The following AGAP1 variants were observed in gnomAD, a reference collection of about 807,000 sequenced individuals.
The protein encoded by AGAP1 is ArfGAP with GTPase domain, ankyrin repeat and PH domain 1.
Under a neutral mutation model 105.3 loss-of-function variants are expected in AGAP1, and 29 were observed. The observed-to-expected ratio is 0.28, with a 90% CI of 0.21 to 0.38. The LOEUF (loss-of-function observed/expected upper bound fraction) is 0.38. Ranked by LOEUF, AGAP1 falls within the 10% of genes least tolerant of loss-of-function variation. The pLI is 1.00. For missense variants in AGAP1, 998 were observed against 1,165.1 expected (o/e 0.86, Z 2.09); for synonymous variants, 509 against 485.9 (o/e 1.05, Z -0.63).
intron 12 of AGAP1, among the ~76,000 whole-genome samples, chr2:235,932,945 A>C (rs558933016): frequency 5.3e-5 from 8 of 152,332 alleles, no homozygotes; most frequent in Non-Finnish European, 7.3e-5. Flanking sequence ...TTTTTTATTC[A>C]CAAAGCAATT....
Position 236,125,387 on chromosome 2 carries a change from A to G in AGAP1, c.*1265A>G, listed in dbSNP as rs2059986934. ...ACATGGAAAATATTCCCAGCAGTAA[A>G]CACTTCCATTAATGTGATCTACGGC... is the stretch of plus-strand genomic sequence containing the variant. On this transcript the variant is annotated 3_prime_UTR_variant, in exon 18 of 18. Coordinates refer to ENST00000304032, the MANE Select transcript of AGAP1 (RefSeq NM_001037131.3). This position sits in a 1 kb window ranked among gnomAD's most constrained non-coding sequence, Gnocchi z 5.2. 6.6e-6 allele frequency: 1 copy of G among 152,612 alleles called. No homozygotes were observed. The highest frequency in any genetic ancestry group is 2.4e-5 in the African/African-American group (1 of 41,460). The allele number at this position is 152,612 out of a possible 1,614,324, so 9.5% of individuals were successfully genotyped here.
chr2:235,752,898 CGGAGGATG>C lies in AGAP1; in HGVS notation c.673+2415_673+2422del, dbSNP rs1559437737. On this transcript the variant is annotated intron_variant, in intron 6 of 17. Transcript: ENST00000304032. This position sits in a 1 kb window ranked among gnomAD's most constrained non-coding sequence, Gnocchi z 4.3. Reference sequence around the variant, plus strand: ...AACAGACTTTTACTTGTCCTACTTACGGAGGATGGGAGTCCAGGGCCAGGTGCTGGTGG... The same window carrying C: ...AACAGACTTTTACTTGTCCTACTTACGGAGTCCAGGGCCAGGTGCTGGTGG... Among the ~76,000 whole-genome samples, 2 of 152,142 alleles carry C rather than the reference CGGAGGATG, an allele frequency of 1.3e-5. No individual in the cohort carries two copies. Among genetic ancestry groups the C allele is most frequent in the African/African-American group, 4.8e-5 (2 of 41,418 alleles).
intron 9 of AGAP1, among the ~76,000 whole-genome samples, chr2:235,809,947 G>A (rs1373845502): frequency 6.6e-6 from 1 of 152,170 alleles, no homozygotes; most frequent in African/African-American, 2.4e-5. Context: ...TGGTAGCTGT[G>A]TTCTCCTTAT....
At chr2:235,539,637 A>G (rs546861978) in intron 1 of AGAP1, among the ~76,000 whole-genome samples, 1 of 152,308 alleles carries the variant, frequency 6.6e-6, no homozygotes, top group Admixed American at 6.5e-5. Flanking sequence ...CAGTGTCCTC[A>G]GAGATACTGA....
intron 9 of AGAP1, among the ~76,000 whole-genome samples, chr2:235,828,595 G>T (rs1959173037): frequency 6.6e-6 from 1 of 152,132 alleles, no homozygotes; most frequent in East Asian, 1.9e-4. Flanking sequence ...ATAAACCTCT[G>T]GAATTGGAAA....
In AGAP1 at chr2:235,938,984, G is replaced by C. The variant is rs73996636; in HGVS notation, c.1483+8061G>C. 9.3e-3 allele frequency among the ~76,000 whole-genome samples: 1,414 copies of C among 152,282 alleles called. 22 individuals are homozygous for C. Among genetic ancestry groups the C allele is most frequent in the African/African-American group, 0.032 (1,330 of 41,560 alleles). Reference sequence around the variant, plus strand: ...ACCCAAGCAGTGGAATGTCCCCCAGGGGTTTCAGATGCGCAGCCAGGGTTG... The same window carrying C: ...ACCCAAGCAGTGGAATGTCCCCCAGCGGTTTCAGATGCGCAGCCAGGGTTG... On this transcript the variant is annotated intron_variant, in intron 12 of 17. Transcript: ENST00000304032.
chr2:235,628,058 T>TC (rs1946700186), intron 1 of AGAP1, among the ~76,000 whole-genome samples: 1 of 151,904 alleles, frequency 6.6e-6, no homozygotes, highest in African/African-American at 2.4e-5. Flanking sequence ...TGGGCAGGCT[T>TC]CCCCCCGAAG....
rs989182191 is a variant in AGAP1 at position 235,964,668 on chromosome 2, C to T, written c.1484-3794C>T. Among the ~76,000 whole-genome samples the T allele has an allele frequency of 6.6e-6, 1 of 151,920 alleles. No individual in the cohort carries two copies. The highest frequency in any genetic ancestry group is 6.6e-5 in the Admixed American group (1 of 15,254). On this transcript the variant is annotated intron_variant, in intron 12 of 17. Transcript: ENST00000304032. The surrounding 1 kb of genome is among the most constrained non-coding windows in gnomAD (Gnocchi z 4.6). ...ATAAATAAAAATTAATTAGGCTCGCCCTTTTTTTTCCAAGATATCTATAGC... is the reference window on the plus strand; with the variant it reads ...ATAAATAAAAATTAATTAGGCTCGCTCTTTTTTTTCCAAGATATCTATAGC...
chr2:235,826,941 G>T (rs1053821872), intron 9 of AGAP1, among the ~76,000 whole-genome samples: 1 of 152,080 alleles, frequency 6.6e-6, no homozygotes, highest in Non-Finnish European at 1.5e-5. Flanking sequence ...CTTTGATTAA[G>T]TTAGAGAAAA....
chr2:236,072,118 G>A (rs2058512267), intron 16 of AGAP1, among the ~76,000 whole-genome samples: 1 of 142,176 alleles, frequency 7.0e-6, no homozygotes, highest in Non-Finnish European at 1.5e-5. Flanking sequence ...AGTAGTCTTC[G>A]TTGTGGGTTT....
Position 235,712,731 on chromosome 2 carries a change from A to G in AGAP1, c.222+3494A>G, listed in dbSNP as rs1023480328. Among the ~76,000 whole-genome samples the G allele has an allele frequency of 1.3e-5, 2 of 151,924 alleles. No homozygotes were observed. Among genetic ancestry groups the G allele is most frequent in the South Asian group, 4.2e-4 (2 of 4,812 alleles). On this transcript the variant is annotated intron_variant, in intron 2 of 17. Coordinates refer to ENST00000304032, the MANE Select transcript of AGAP1 (RefSeq NM_001037131.3). The surrounding 1 kb of genome is among the most constrained non-coding windows in gnomAD (Gnocchi z 6.0). ...CCCTGCACAGAGGTTGACAGTGGCA[A>G]CCTCTTCCTGCCTTAAGTACGTAGT...
chr2:235,835,359 A>G lies in AGAP1; in HGVS notation c.1050+28028A>G, dbSNP rs556804033. 7.9e-5 allele frequency among the ~76,000 whole-genome samples: 12 copies of G among 152,276 alleles called. No homozygotes were observed. In the South Asian group the frequency reaches 2.1e-3, roughly 26 times the overall value. On this transcript the variant is annotated intron_variant, in intron 9 of 17. Transcript: ENST00000304032. ...CAGCCATCAACTTTCTTGGTTTTCA[A>G]ATACACAGTGTATCTTGTGCTGCCA...
chr2:235,885,304 T>C (rs957405547), intron 10 of AGAP1, among the ~76,000 whole-genome samples: 4 of 152,222 alleles, frequency 2.6e-5, no homozygotes, highest in Non-Finnish European at 1.5e-5. Flanking sequence ...TTAATGATTA[T>C]ATAATATTCC....
Position 236,053,046 on chromosome 2 carries a change from C to CGT in AGAP1, c.2114+3771_2114+3772dup, listed in dbSNP as rs1361601337. Among the ~76,000 whole-genome samples, 1 of 152,132 alleles carries CGT rather than the reference C, an allele frequency of 6.6e-6. No homozygotes were observed. Among genetic ancestry groups the CGT allele is most frequent in the African/African-American group, 2.4e-5 (1 of 41,424 alleles). ...AGGACTTCGTAACACCCGGCTTGTGCGTGTGTGCGGTACCATAACGTAGCG... is the reference window on the plus strand; with the variant it reads ...AGGACTTCGTAACACCCGGCTTGTGCGTGTGTGTGCGGTACCATAACGTAGCG... On this transcript the variant is annotated intron_variant, in intron 16 of 17. Transcript: ENST00000304032. This position sits in a 1 kb window ranked among gnomAD's most constrained non-coding sequence, Gnocchi z 4.6.
intron 1 of AGAP1, chr2:235,670,394 A>G (rs1948327821): frequency 1.8e-6 from 1 of 565,574 alleles, no homozygotes; most frequent in Non-Finnish European, 3.2e-6. Flanking sequence ...CCGCACCCGC[A>G]GCACCGGGCA....
intron 9 of AGAP1, among the ~76,000 whole-genome samples, chr2:235,831,184 T>TAAAAAA (rs35101565): frequency 6.7e-4 from 93 of 138,094 alleles, no homozygotes; most frequent in African/African-American, 2.4e-3. Flanking sequence ...TCTTCTTCTT[T>TAAAAAA]AAAAAAAAAA....
chr2:235,921,099 T>C (rs1258072555), intron 11 of AGAP1, among the ~76,000 whole-genome samples: 1 of 152,210 alleles, frequency 6.6e-6, no homozygotes, highest in Non-Finnish European at 1.5e-5. Context: ...GTTCCAGTAA[T>C]AACGCTGCTG....
chr2:235,749,462 A>G (rs1259348392), intron 5 of AGAP1, among the ~76,000 whole-genome samples: 1 of 151,944 alleles, frequency 6.6e-6, no homozygotes, highest in African/African-American at 2.4e-5. Context: ...CCGTGTGCAC[A>G]CATGACTTAG....
rs1382061795 is a variant in AGAP1, at chr2:236,082,612, G to A, written c.2114+33331G>A. ...AAGAGGGCCAGGTGCAACGGCTCAC[G>A]CCTGTAATCCCAACACTTTGGGAGG... On this transcript the variant is annotated intron_variant, in intron 16 of 17. Coordinates refer to ENST00000304032, the MANE Select transcript of AGAP1 (RefSeq NM_001037131.3). The surrounding 1 kb of genome is among the most constrained non-coding windows in gnomAD (Gnocchi z 4.2). 2.0e-5 allele frequency among the ~76,000 whole-genome samples: 3 copies of A among 152,242 alleles called. No homozygotes were observed. The highest frequency in any genetic ancestry group is 4.8e-5 in the African/African-American group (2 of 41,464).
Sources: gnomAD v4.1 joint callset for allele counts (sites outside exome capture counted in the v4.1 genomes callset) on GRCh38, gnomAD v4.1.1 for gene constraint, Gnocchi (gnomAD v3.1) non-coding constraint, MANE v1.5 for transcripts, NCBI Gene and HGNC (gene_info 2026-07-23, HGNC 2026-07-21) for gene names.